Variants in EPHB1 observed in about 807,000 individuals in gnomAD.
The protein encoded by EPHB1 is ephrin type-B receptor 1.
A neutral mutation model predicts 94.4 loss-of-function variants in EPHB1; 30 were observed. The ratio of observed to expected loss-of-function variants is 0.32; its 90% CI spans 0.24 to 0.43. EPHB1 has a LOEUF of 0.43. EPHB1 is among the 20% of genes least tolerant of loss of function. The pLI is 1.00. For synonymous variants in EPHB1, 522 were observed against 489.1 expected, an observed-to-expected ratio of 1.07 and a Z score of -0.89; for missense variants, 1,055 against 1,308.3, an observed-to-expected ratio of 0.81 and a Z score of 2.99.
In EPHB1 at chr3:135,198,206, G is replaced by A. The variant is rs1385719999; in HGVS notation, c.2131-3268G>A. On this transcript the variant is annotated intron_variant, in intron 11 of 15. Transcript: ENST00000398015. ...TTGAGGCCACCATTACCAGTTGATC[G>A]GAGATGGGTTGTCAGTGGAGAAGTG... Among the ~76,000 whole-genome samples, 23 of 152,246 alleles carry A rather than the reference G, an allele frequency of 1.5e-4. No homozygotes were observed. The South Asian group carries it at 2.5e-3, about 16-fold the overall frequency.
intron 12 of EPHB1, among the ~76,000 whole-genome samples, chr3:135,238,378 T>G (rs1943705338): frequency 6.6e-6 from 1 of 152,138 alleles, no homozygotes; most frequent in African/African-American, 2.4e-5. Context: ...CCAAGCTCAG[T>G]GTTCAGTGAG....
At chr3:135,045,620 C>T (rs574589368) in intron 3 of EPHB1, among the ~76,000 whole-genome samples, 2 of 152,152 alleles carry the variant, frequency 1.3e-5, no homozygotes, top group Admixed American at 6.5e-5. Context: ...CCAAAGCAGA[C>T]AACTGAAAGT....
intron 2 of EPHB1, among the ~76,000 whole-genome samples, chr3:134,935,124 GA>G (rs58805317): frequency 2.6e-5 from 4 of 152,320 alleles, no homozygotes; most frequent in African/African-American, 7.2e-5. Flanking sequence ...TCCAGGGCAG[GA>G]GAGGACACAG....
intron 3 of EPHB1, among the ~76,000 whole-genome samples, chr3:135,051,406 GATT>G (rs1361211337): frequency 2.6e-5 from 4 of 152,210 alleles, no homozygotes; most frequent in Admixed American, 2.6e-4. Flanking sequence ...GCACCAAGGT[GATT>G]ATTTCCTAAT....
intron 2 of EPHB1, among the ~76,000 whole-genome samples, chr3:134,944,789 A>G (rs1354140911): frequency 1.3e-5 from 2 of 152,210 alleles, no homozygotes; most frequent in African/African-American, 4.8e-5. Context: ...TTATCCTTGA[A>G]GTGGAATTGC....
intron 1 of EPHB1, among the ~76,000 whole-genome samples, chr3:134,815,377 T>C (rs1307805518): frequency 3.3e-5 from 5 of 151,896 alleles, no homozygotes; most frequent in African/African-American, 1.2e-4. Flanking sequence ...TGAATGTGTG[T>C]ATATAATATA....
intron 1 of EPHB1, among the ~76,000 whole-genome samples, chr3:134,848,850 T>C (rs1333200485): frequency 6.6e-6 from 1 of 152,208 alleles, no homozygotes; most frequent in Non-Finnish European, 1.5e-5. Flanking sequence ...GCAAAAGGCT[T>C]TTGGTGGCTT....
chr3:135,045,404 A>G (rs1469190533), intron 3 of EPHB1, among the ~76,000 whole-genome samples: 1 of 152,252 alleles, frequency 6.6e-6, no homozygotes, highest in Non-Finnish European at 1.5e-5. Flanking sequence ...ATAAGTTCAA[A>G]TAAAATACTT....
intron 15 of EPHB1, among the ~76,000 whole-genome samples, chr3:135,252,062 A>G (rs1325855327): frequency 1.3e-5 from 2 of 151,976 alleles, no homozygotes; most frequent in Non-Finnish European, 2.9e-5. Context: ...CCATCTCATT[A>G]GTGTTTGTGA....
intron 3 of EPHB1, among the ~76,000 whole-genome samples, chr3:134,978,345 G>A (rs1005238617): frequency 2.6e-5 from 4 of 152,068 alleles, no homozygotes; most frequent in South Asian, 2.1e-4. Flanking sequence ...TGGTCCTGTC[G>A]ACCTATGGGA....
intron 1 of EPHB1, among the ~76,000 whole-genome samples, chr3:134,856,005 G>T (rs1025228920): frequency 2.0e-5 from 3 of 152,156 alleles, no homozygotes; most frequent in Non-Finnish European, 4.4e-5. Flanking sequence ...CCCAAGTCAG[G>T]TGTCCTGACT....
At chr3:135,165,554 A>G (rs1274228622) in intron 7 of EPHB1, among the ~76,000 whole-genome samples, 1 of 152,198 alleles carries the variant, frequency 6.6e-6, no homozygotes, top group Non-Finnish European at 1.5e-5. Flanking sequence ...CAATGAATCT[A>G]TTGACTCTGT....
chr3:134,882,741 TCTTTCTTCCTTTCTTCCTTCCTTC>T lies in EPHB1; in HGVS notation c.59-43067_59-43044del, dbSNP rs1294238761. 4.0e-3 allele frequency among the ~76,000 whole-genome samples: 403 copies of T among 100,438 alleles called. 20 individuals are homozygous for T. The highest frequency in any genetic ancestry group is 0.018 in the African/African-American group (374 of 20,930). 65.9% of individuals were successfully genotyped at this position (100,438 alleles called of 152,430 possible). ...TTTCCTTCTTCTTTCCTTCTTTCCT[TCTTTCTTCCTTTCTTCCTTCCTTC>T]CTTTCTTTCTTTCTTTCTTTCTTTC... is the stretch of plus-strand genomic sequence containing the variant. On this transcript the variant is annotated intron_variant, in intron 1 of 15. Coordinates refer to ENST00000398015, the MANE Select transcript of EPHB1 (RefSeq NM_004441.5).
intron 3 of EPHB1, among the ~76,000 whole-genome samples, chr3:135,003,739 T>C (rs1935277435): frequency 6.6e-6 from 1 of 152,044 alleles, no homozygotes; most frequent in African/African-American, 2.4e-5. Flanking sequence ...CTTTTGATCT[T>C]TGTTGGTTTA....
intron 3 of EPHB1, among the ~76,000 whole-genome samples, chr3:135,021,516 C>T (rs10935151): frequency 0.27 from 40,592 of 151,018 alleles, 6,586 homozygotes; most frequent in East Asian, 0.71. Flanking sequence ...CACCCCCCAC[C>T]GGTTTACTTT....
chr3:135,176,482 A>T (rs141889680), intron 9 of EPHB1, among the ~76,000 whole-genome samples: 1,855 of 152,310 alleles, frequency 0.012, 19 homozygotes, highest in Non-Finnish European at 0.019. Context: ...AGTGACACCA[A>T]TGCCCATGGC....
chr3:135,122,941 G>A (rs1425749464), intron 4 of EPHB1, among the ~76,000 whole-genome samples: 12 of 152,256 alleles, frequency 7.9e-5, no homozygotes, highest in South Asian at 4.2e-4. Context: ...TGAGCAACAC[G>A]TGCAGACTCG....
intron 15 of EPHB1, among the ~76,000 whole-genome samples, chr3:135,258,032 T>TG (rs1030021330): frequency 1.2e-4 from 19 of 152,190 alleles, no homozygotes; most frequent in Non-Finnish European, 2.2e-4. Flanking sequence ...CCTGACCCCT[T>TG]GCGCTTCCCA....
At chr3:135,013,967 C>G (rs1162440892) in intron 3 of EPHB1, among the ~76,000 whole-genome samples, 3 of 152,120 alleles carry the variant, frequency 2.0e-5, no homozygotes, top group African/African-American at 7.2e-5. Context: ...AAACACTACC[C>G]ACAATCCAAA....
Sources: allele counts gnomAD v4.1 joint callset (sites outside exome capture counted in the v4.1 genomes callset), GRCh38; gene constraint gnomAD v4.1.1; transcripts MANE v1.5; gene names NCBI Gene and HGNC (gene_info 2026-07-23, HGNC 2026-07-21).